NOTCH1: variants seen among roughly 807,000 people sequenced by gnomAD.
NOTCH1 encodes neurogenic locus notch homolog protein 1.
A neutral mutation model predicts 254.8 loss-of-function variants in NOTCH1; 37 were observed. The ratio of observed to expected loss-of-function variants is 0.15; its 90% confidence interval spans 0.11 to 0.19. The LOEUF (loss-of-function observed/expected upper bound fraction) is 0.19. NOTCH1 is among the 10% of genes least tolerant of loss of function. NOTCH1 has a pLI of 1.00. For missense variants in NOTCH1, 2,972 were observed against 3,708.6 expected (o/e 0.80, Z 5.16); for synonymous variants, 1,731 against 1,618.1 (o/e 1.07, Z -1.68).
At chr9:136,502,900 A>G (rs1379978558) in intron 27 of NOTCH1, 2 of 649,326 alleles carry the variant, frequency 3.1e-6, no homozygotes, top group Admixed American at 4.5e-5. Flanking sequence ...ATTTTGAAAT[A>G]ATACCCAACA....
intron 2 of NOTCH1, among the ~76,000 whole-genome samples, chr9:136,532,257 G>C (rs1360462407): frequency 6.6e-6 from 1 of 152,148 alleles, no homozygotes; most frequent in South Asian, 2.1e-4. Flanking sequence ...GGAAAGTTGG[G>C]GATTCTTGGG....
Position 136,501,917 on chromosome 9 carries a change from CAT to C in NOTCH1, c.5473-6_5473-5del, listed in dbSNP as rs757952767. The C allele has an allele frequency of 1.2e-6, 2 of 1,611,662 alleles. No individual in the cohort carries two copies. The highest frequency in any genetic ancestry group is 1.7e-6 in the Non-Finnish European group (2 of 1,179,964). ...GCAGAACCACGGGCTCCTCGAACTA[CAT>C]AGAGGGAGTGAGCAGAGCCTGTCAG... On this transcript the variant is annotated splice_polypyrimidine_tract_variant and splice_region_variant and intron_variant, in intron 29 of 33. Transcript: ENST00000651671.
At chr9:136,530,257 T>C (rs1310042800) in intron 2 of NOTCH1, among the ~76,000 whole-genome samples, 1 of 152,154 alleles carries the variant, frequency 6.6e-6, no homozygotes, top group East Asian at 1.9e-4. Flanking sequence ...GCAAATCTTT[T>C]CCCCCAGTTG....
chr9:136,500,509 G>A, intron 31 of NOTCH1, 43 bp downstream of exon 31: 1 of 1,603,430 alleles, frequency 6.2e-7, no homozygotes, highest in Non-Finnish European at 8.5e-7. Flanking sequence ...CCACCAGGCG[G>A]CCCTGAGGAG....
In NOTCH1 at chr9:136,518,069, G is replaced by A. The variant is rs1031639953; in HGVS notation, c.1255+68C>T. 95 of 1,551,614 alleles carry A rather than the reference G, an allele frequency of 6.1e-5. 2 individuals carry two copies. The South Asian group carries it at 9.8e-4, about 16-fold the overall frequency. On this transcript the variant is annotated intron_variant, in intron 7 of 33. Transcript: ENST00000651671. Reference sequence around the variant, plus strand: ...CTGGGCACCCCCTGAAGCCAGAATCGACTTCTCATCGGTTCTGGGGCCAGG... The same window carrying A: ...CTGGGCACCCCCTGAAGCCAGAATCAACTTCTCATCGGTTCTGGGGCCAGG...
chr9:136,502,506 A>AG lies in NOTCH1; in HGVS notation c.5168-19dup. 6.8e-7 allele frequency: 1 copy of AG among 1,476,838 alleles called. No individual in the cohort carries two copies. Among genetic ancestry groups the AG allele is most frequent in the Non-Finnish European group, 9.0e-7 (1 of 1,111,908 alleles). The allele number at this position is 1,476,838 out of a possible 1,614,324, so 91.5% of individuals were successfully genotyped here. A position where few individuals can be genotyped will look rare whatever the true frequency, so the allele number is the denominator to read the frequency against. On this transcript the variant is annotated intron_variant, in intron 27 of 33. Transcript: ENST00000651671. ...GGTCTCACCTGCGGGCACGGGGGCCAGGGGCAGGTGCCCGGACATCAGGCA... is the reference window on the plus strand; with the variant it reads ...GGTCTCACCTGCGGGCACGGGGGCCAGGGGGCAGGTGCCCGGACATCAGGCA...
intron 5 of NOTCH1, 88 bp from the exon 6 acceptor site, chr9:136,518,912 C>T: frequency 8.7e-7 from 1 of 1,148,286 alleles, no homozygotes; most frequent in Non-Finnish European, 1.3e-6. Flanking sequence ...ATGCCGCCCC[C>T]TCCAGGAAGC....
chr9:136,502,884 G>A (rs530130084), intron 27 of NOTCH1: 162 of 619,556 alleles, frequency 2.6e-4, no homozygotes, highest in Middle Eastern at 5.0e-4. Flanking sequence ...AAAAAAAGCC[G>A]TAATGATTTT....
rs368973577 is a variant in NOTCH1, at chr9:136,541,072, C to A, written c.140+2952G>T. 9.9e-5 allele frequency among the ~76,000 whole-genome samples: 15 copies of A among 152,278 alleles called. 1 individual carries two copies. In the East Asian group the frequency reaches 2.3e-3, roughly 24 times the overall value. On this transcript the variant is annotated intron_variant, in intron 2 of 33. Transcript: ENST00000651671. Reference sequence around the variant, plus strand: ...AGAGAAGAGCCAAGGGCCACAGTGACCCCCTGGGCCTGCTCAGAAGGCCAC... The same window carrying A: ...AGAGAAGAGCCAAGGGCCACAGTGAACCCCTGGGCCTGCTCAGAAGGCCAC...
chr9:136,521,260 C>T (rs537104929), intron 4 of NOTCH1, among the ~76,000 whole-genome samples: 2 of 152,252 alleles, frequency 1.3e-5, no homozygotes, highest in African/African-American at 4.8e-5. Flanking sequence ...TGAGCACACC[C>T]CTCACCGGAC....
chr9:136,520,058 G>C (rs1843342239), intron 4 of NOTCH1, among the ~76,000 whole-genome samples: 2 of 152,096 alleles, frequency 1.3e-5, no homozygotes, highest in Admixed American at 1.3e-4. Context: ...TCCTCCCTGG[G>C]GCAGAGCTCT....
rs777111928 is a variant in NOTCH1, at chr9:136,497,445, G to A, written c.6294C>T (p.Arg2098=). 34 of 1,612,218 alleles carry A rather than the reference G, an allele frequency of 2.1e-5. No individual in the cohort carries two copies. The highest frequency in any genetic ancestry group is 3.3e-5 in the South Asian group (3 of 91,094). ...GATGCATGCGCTCCTGTGCGATGTC[G>A]CGCGGCAGGCGGTCCATATGATCCG... ...DITDHMDRLP[R]DIAQERMHHD... The change falls in exon 34 of 34, where the codon CGC becomes CGT. Residue 2098 remains arginine (R), a synonymous_variant. Coordinates refer to ENST00000651671, the MANE Select transcript of NOTCH1 (RefSeq NM_017617.5).
chr9:136,507,474 G>C, intron 21 of NOTCH1, 37 bp from the exon 22 acceptor site: 1 of 1,572,382 alleles, frequency 6.4e-7, no homozygotes. Context: ...CTTCGGCTCA[G>C]CCGGCGCCAG....
intron 2 of NOTCH1, among the ~76,000 whole-genome samples, chr9:136,532,054 C>A (rs139325424): frequency 9.8e-5 from 15 of 152,354 alleles, no homozygotes; most frequent in African/African-American, 3.4e-4. Flanking sequence ...CCGGGCCCAG[C>A]GTGATCACCG....
chr9:136,526,325 G>T (rs544892419), intron 2 of NOTCH1, among the ~76,000 whole-genome samples: 176 of 152,318 alleles, frequency 1.2e-3, no homozygotes, highest in Non-Finnish European at 2.1e-3. Flanking sequence ...CACAGCTCCC[G>T]CTTGGAGAAA....
At position 136,496,098 on chromosome 9, in the gene NOTCH1, G is replaced by A. The variant is rs370124241; in HGVS notation, c.7641C>T (p.Ile2547=). ...ACTTGAAGGCCTCCGGAATGCGGGC[G>A]ATCTGGGACTGCATGCTGGTGGGAG... The part of the protein sequence containing the change: ...SSPPTSMQSQ[I]ARIPEAFK Residue 2547 remains isoleucine (I), a synonymous_variant, in exon 34 of 34, where the codon ATC becomes ATT. Coordinates refer to ENST00000651671, the MANE Select transcript of NOTCH1 (RefSeq NM_017617.5). 1.4e-5 allele frequency: 23 copies of A among 1,607,512 alleles called. No homozygotes were observed. The highest frequency in any genetic ancestry group is 8.0e-5 in the African/African-American group (6 of 74,926).
chr9:136,500,074 A>C (rs1842972612), intron 31 of NOTCH1, among the ~76,000 whole-genome samples: 1 of 152,152 alleles, frequency 6.6e-6, no homozygotes, highest in Non-Finnish European at 1.5e-5. Context: ...CAGGCATCCA[A>C]ATCCCTAAAT....
chr9:136,535,858 CA>C (rs55840657), intron 2 of NOTCH1, among the ~76,000 whole-genome samples: 1,262 of 68,816 alleles, frequency 0.018, 13 homozygotes, highest in Non-Finnish European at 0.033. Flanking sequence ...GGATCCCTCC[CA>C]GGGGCAATGG....
Position 136,515,317 on chromosome 9 carries a change from C to T in NOTCH1, c.1987G>A (p.Glu663Lys), listed in dbSNP as rs548000491. Residue 663 changes from glutamate (E) to lysine (K), a missense_variant, in exon 12 of 34, where the codon GAG becomes AAG. Glu to Lys is a moderately conservative substitution (Grantham distance 56). This residue lies in a region of NOTCH1 where 1,343 missense variants were observed against 1,557.0 expected (regional missense o/e 0.86). Transcript: ENST00000651671. ...GTCLDKIDGY[E>K]CACEPGYTGS... ...GTGTAGCCCGGCTCACAGGCACACT[C>T]GTAGCCATCGATCTTGTCCAGACAG... is the stretch of plus-strand genomic sequence containing the variant. The T allele has an allele frequency of 2.0e-5, 33 of 1,612,972 alleles. No individual in the cohort carries two copies. The highest frequency in any genetic ancestry group is 4.5e-5 in the East Asian group (2 of 44,884).
Sources: allele counts gnomAD v4.1 joint callset (sites outside exome capture counted in the v4.1 genomes callset), GRCh38; gene constraint gnomAD v4.1.1; regional missense constraint gnomAD v4.1.1; transcripts MANE v1.5; gene names NCBI Gene and HGNC (gene_info 2026-07-23, HGNC 2026-07-21).